GOLIM4: variants seen among roughly 807,000 people sequenced by gnomAD.
GOLIM4 encodes the protein 130 kDa golgi-localized phosphoprotein.
GOLIM4 carries 71 observed loss-of-function variants against 107.4 expected under a neutral mutation model. The ratio of observed to expected loss-of-function variants is 0.66; its 90% CI spans 0.55 to 0.81. The LOEUF (loss-of-function observed/expected upper bound fraction) is 0.81, where lower values mean the gene tolerates loss of function less well. Among genes scored for constraint, GOLIM4 ranks in the 30% least tolerant of loss-of-function variants. The pLI is 0.00. For missense variants in GOLIM4, 830 were observed against 826.1 expected (o/e 1.00, Z -0.06); for synonymous variants, 327 against 294.8 (o/e 1.11, Z -1.12).
At position 168,032,780 on chromosome 3, in the gene GOLIM4, C is replaced by G; in HGVS notation, c.916G>C (p.Ala306Pro). The change falls in exon 9 of 16, where the codon GCT becomes CCT. Residue 306 changes from alanine to proline, a missense_variant. Coordinates refer to ENST00000470487, the MANE Select transcript of GOLIM4 (RefSeq NM_014498.5). ...PGRAEDTKLYAPTHKEAEFQA... is the reference protein window; with the variant it reads ...PGRAEDTKLYPPTHKEAEFQA... ...AATTCTGCCTCCTTATGGGTGGGAG[C>G]ATAGAGTTTTGTGTCTTCTGCTCTT... 2.5e-6 allele frequency: 4 copies of G among 1,614,040 alleles called. No individual in the cohort carries two copies. Among genetic ancestry groups the G allele is most frequent in the South Asian group, 1.1e-5 (1 of 91,058 alleles).
At chr3:168,093,218 T>C (rs1721996519) in intron 1 of GOLIM4, among the ~76,000 whole-genome samples, 2 of 152,238 alleles carry the variant, frequency 1.3e-5, no homozygotes, top group African/African-American at 2.4e-5. Context: ...CATAGGCCGT[T>C]GAGGCAAAGG....
In GOLIM4 at chr3:168,032,862, G is replaced by A. The variant is rs752566011; in HGVS notation, c.844-10C>T. Reference sequence around the variant, plus strand: ...CATTATTTCGAGACACCTAGGCCAAGCACATCACTGGGAATGACACTCTTC... The same window carrying A: ...CATTATTTCGAGACACCTAGGCCAAACACATCACTGGGAATGACACTCTTC... On this transcript the variant is annotated splice_polypyrimidine_tract_variant and intron_variant, in intron 8 of 15. Transcript: ENST00000470487. 2 of 1,587,516 alleles carry A rather than the reference G, an allele frequency of 1.3e-6. No individual in the cohort carries two copies. Among genetic ancestry groups the A allele is most frequent in the African/African-American group, 2.7e-5 (2 of 74,030 alleles).
intron 1 of GOLIM4, among the ~76,000 whole-genome samples, chr3:168,074,530 A>T (rs894916693): frequency 3.9e-5 from 6 of 152,182 alleles, no homozygotes; most frequent in African/African-American, 1.4e-4. Context: ...ACATCACAGC[A>T]ATCTTGTTAC....
At chr3:168,084,406 C>T (rs1005872590) in intron 1 of GOLIM4, among the ~76,000 whole-genome samples, 1 of 152,128 alleles carries the variant, frequency 6.6e-6, no homozygotes, top group South Asian at 2.1e-4. Context: ...GATATCGTGA[C>T]GTATTCCTGT....
Position 168,018,100 on chromosome 3 carries a change from C to T in GOLIM4, c.1860+6426G>A, listed in dbSNP as rs77589459. Among the ~76,000 whole-genome samples the T allele has an allele frequency of 1.5e-3, 222 of 152,238 alleles. No individual in the cohort carries two copies. In the East Asian group the frequency reaches 0.018, roughly 12 times the overall value. On this transcript the variant is annotated intron_variant, in intron 14 of 15. Transcript: ENST00000470487. The stretch of plus-strand genomic sequence containing the variant: ...GCATTTCAAAAAAACTGCTGAACAT[C>T]GGTTAAGTATAATGCAGTCTCCTAA...
chr3:168,071,553 C>T (rs925379334), intron 1 of GOLIM4, among the ~76,000 whole-genome samples: 9 of 151,156 alleles, frequency 6.0e-5, no homozygotes, highest in African/African-American at 2.2e-4. Context: ...CCCCCTACCT[C>T]CAGGAAAAGC....
chr3:168,064,533 T>A (rs16851769), intron 1 of GOLIM4, among the ~76,000 whole-genome samples: 1 of 152,282 alleles, frequency 6.6e-6, no homozygotes, highest in East Asian at 1.9e-4. Context: ...TAGGAATTCA[T>A]TGGCAACCTC....
intron 1 of GOLIM4, among the ~76,000 whole-genome samples, chr3:168,067,499 T>C (rs1720609794): frequency 1.3e-5 from 2 of 149,552 alleles, no homozygotes; most frequent in Admixed American, 6.6e-5. Flanking sequence ...GATCTAAAAG[T>C]AGTTGCCTTT....
At chr3:168,052,356 A>G (rs949604778) in intron 1 of GOLIM4, among the ~76,000 whole-genome samples, 1 of 84,270 alleles carries the variant, frequency 1.2e-5, no homozygotes, top group African/African-American at 7.4e-5. Context: ...ATATATGTGC[A>G]TATATATATA....
chr3:168,064,104 G>A (rs944823204), intron 1 of GOLIM4, among the ~76,000 whole-genome samples: 2 of 152,188 alleles, frequency 1.3e-5, no homozygotes, highest in Admixed American at 1.3e-4. Context: ...ATGGTCCCAG[G>A]AGGCTTCCCC....
At chr3:168,010,691 G>T in intron 15 of GOLIM4, 52 bp downstream of exon 15, 2 of 1,274,230 alleles carry the variant, frequency 1.6e-6, no homozygotes, top group Non-Finnish European at 2.3e-6. Context: ...CTATACACAT[G>T]CACACCCACA....
At chr3:168,090,132 T>C (rs1721832983) in intron 1 of GOLIM4, among the ~76,000 whole-genome samples, 1 of 152,148 alleles carries the variant, frequency 6.6e-6, no homozygotes, top group South Asian at 2.1e-4. Context: ...AATGACAAGA[T>C]GTATTCATGC....
At chr3:168,058,562 C>G (rs138914147) in intron 1 of GOLIM4, among the ~76,000 whole-genome samples, 1 of 152,252 alleles carries the variant, frequency 6.6e-6, no homozygotes, top group Non-Finnish European at 1.5e-5. Flanking sequence ...AGGAGTTACT[C>G]TTATACAAAA....
In GOLIM4 at chr3:168,095,688, G is replaced by C. The variant is rs1722158900; in HGVS notation, c.-403C>G. 5.5e-6 allele frequency: 1 copy of C among 183,416 alleles called. No individual in the cohort carries two copies. Among genetic ancestry groups the C allele is most frequent in the African/African-American group, 2.4e-5 (1 of 41,738 alleles). The allele number at this position is 183,416 out of a possible 1,614,324, so 11.4% of individuals were successfully genotyped here. ...CGCCCTGGCCACTCCCCGCCCTATC[G>C]CGGCGGCTCCCACTGCACGACTTTG... On this transcript the variant is annotated 5_prime_UTR_variant, in exon 1 of 16. Coordinates refer to ENST00000470487, the MANE Select transcript of GOLIM4 (RefSeq NM_014498.5).
At chr3:168,024,255 C>A (rs1416991110) in intron 14 of GOLIM4, among the ~76,000 whole-genome samples, 1 of 152,168 alleles carries the variant, frequency 6.6e-6, no homozygotes, top group Admixed American at 6.5e-5. Context: ...TCTAAGTCCA[C>A]CATTCCTGGA....
chr3:168,095,108 G>C lies in GOLIM4; in HGVS notation c.178C>G (p.Gln60Glu). 1.2e-6 allele frequency: 2 copies of C among 1,601,226 alleles called. No individual in the cohort carries two copies. Among genetic ancestry groups the C allele is most frequent in the Middle Eastern group, 1.7e-4 (1 of 5,964 alleles). The change falls in exon 1 of 16, where the codon CAG (glutamine) becomes GAG (glutamate). Residue 60 changes from glutamine (Q) to glutamate (E), a missense_variant. Coordinates refer to ENST00000470487, the MANE Select transcript of GOLIM4 (RefSeq NM_014498.5). ...YQQHQESLSA[Q>E]LQVVYEHRSR... Reference sequence around the variant, plus strand: ...GTCCCGTTAGCCGTACCTTGTAACTGGGCGGAGAGGGACTCCTGGTGCTGC... The same window carrying C: ...GTCCCGTTAGCCGTACCTTGTAACTCGGCGGAGAGGGACTCCTGGTGCTGC...
intron 1 of GOLIM4, among the ~76,000 whole-genome samples, chr3:168,074,271 CTG>C (rs925867961): frequency 5.9e-5 from 9 of 152,148 alleles, no homozygotes; most frequent in African/African-American, 1.9e-4. Context: ...TCTCAGGAAA[CTG>C]TGTGAAATAT....
intron 1 of GOLIM4, among the ~76,000 whole-genome samples, chr3:168,075,147 A>G (rs1011652012): frequency 3.3e-5 from 5 of 152,194 alleles, no homozygotes; most frequent in Non-Finnish European, 7.3e-5. Flanking sequence ...AAAAATTAAT[A>G]AAACAGAGAT....
chr3:168,054,375 C>T (rs971083577), intron 1 of GOLIM4, among the ~76,000 whole-genome samples: 2 of 152,144 alleles, frequency 1.3e-5, no homozygotes, highest in Non-Finnish European at 1.5e-5. Context: ...ACATGCCAGG[C>T]ACACTTTCCC....
Sources: gnomAD v4.1 joint callset for allele counts (sites outside exome capture counted in the v4.1 genomes callset) on GRCh38, gnomAD v4.1.1 for gene constraint, MANE v1.5 for transcripts, NCBI Gene and HGNC (gene_info 2026-07-23, HGNC 2026-07-21) for gene names.